Variants in SMG1 observed in about 807,000 individuals in gnomAD.
SMG1 encodes the protein serine/threonine-protein kinase SMG1.
A neutral mutation model predicts 419.9 loss-of-function variants in SMG1; 22 were observed. The ratio of observed to expected loss-of-function variants is 0.05; its 90% CI spans 0.04 to 0.07. The LOEUF (loss-of-function observed/expected upper bound fraction) is 0.07. Among genes scored for constraint, SMG1 ranks in the 10% least tolerant of loss-of-function variants. The pLI, the probability that SMG1 is intolerant of heterozygous loss-of-function variation, is 1.00. For synonymous variants in SMG1, 1,538 were observed against 1,553.5 expected (o/e 0.99, Z 0.23); for missense variants, 3,185 against 4,342.0 (o/e 0.73, Z 7.49).
chr16:18,885,379 G>A, intron 7 of SMG1, 162 bp downstream of exon 7: 1 of 898,252 alleles, frequency 1.1e-6, no homozygotes, highest in African/African-American at 1.7e-5. Flanking sequence ...TTTAAGGTAT[G>A]AATGTCAGAA....
At chr16:18,818,818 CTT>C (rs35000007) in intron 56 of SMG1, among the ~76,000 whole-genome samples, 10 of 131,590 alleles carry the variant, frequency 7.6e-5, no homozygotes, top group Admixed American at 1.6e-4. Context: ...GCACAAGGTC[CTT>C]TTTTTTTTTT....
intron 46 of SMG1, 65 bp from the exon 47 acceptor site, chr16:18,836,597 C>A: frequency 6.5e-7 from 1 of 1,529,154 alleles, no homozygotes; most frequent in African/African-American, 1.4e-5. Context: ...TACTTTCCTA[C>A]CCTGGAATGT....
Position 18,864,356 on chromosome 16 carries a change from C to T in SMG1, c.3351-212G>A, listed in dbSNP as rs571718427. Among the ~76,000 whole-genome samples the T allele has an allele frequency of 1.6e-3, 243 of 151,614 alleles. 1 individual carries two copies. The highest frequency in any genetic ancestry group is 5.5e-3 in the African/African-American group (229 of 41,316). ...GAATACAGGCGCTCGCCACCATGCCCGGCTAATTTTCTTGTATTTTTAGTA... is the reference window on the plus strand; with the variant it reads ...GAATACAGGCGCTCGCCACCATGCCTGGCTAATTTTCTTGTATTTTTAGTA... On this transcript the variant is annotated intron_variant, in intron 23 of 62. Transcript: ENST00000446231.
chr16:18,839,425 T>C (rs989688210), intron 42 of SMG1, among the ~76,000 whole-genome samples: 1 of 152,186 alleles, frequency 6.6e-6, no homozygotes, highest in South Asian at 2.1e-4. Context: ...CTCCCACTTA[T>C]AAGTGAGAAC....
rs370405094 is a variant in SMG1, at chr16:18,876,086, C to T, written c.1890+38G>A. 4 of 1,606,202 alleles carry T rather than the reference C, an allele frequency of 2.5e-6. No individual in the cohort carries two copies. The African/African-American group carries it at 5.4e-5, about 22-fold the overall frequency. Reference sequence around the variant, plus strand: ...AAATATGTAATGAGAAAAGGCTTAACTGTGGATAAAACAAAGTCATTACAA... The same window carrying T: ...AAATATGTAATGAGAAAAGGCTTAATTGTGGATAAAACAAAGTCATTACAA... On this transcript the variant is annotated intron_variant, in intron 13 of 62. Coordinates refer to ENST00000446231, the MANE Select transcript of SMG1 (RefSeq NM_015092.5).
chr16:18,850,491 T>C lies in SMG1; in HGVS notation c.5053-24A>G. 3 of 1,526,570 alleles carry C rather than the reference T, an allele frequency of 2.0e-6. No individual in the cohort carries two copies. The South Asian group carries it at 3.4e-5, about 17-fold the overall frequency. 94.6% of individuals were successfully genotyped at this position (1,526,570 alleles called of 1,614,324 possible). ...TCCTGAAGAAAAATTGTGCACAAAA[T>C]GCTATTTTAAATACAAACTGAAAAG... is the stretch of plus-strand genomic sequence containing the variant. On this transcript the variant is annotated intron_variant, in intron 33 of 62. Transcript: ENST00000446231.
At chr16:18,889,957 T>C (rs898664214) in intron 5 of SMG1, among the ~76,000 whole-genome samples, 2 of 152,214 alleles carry the variant, frequency 1.3e-5, no homozygotes, top group Non-Finnish European at 2.9e-5. Flanking sequence ...ATGTAATGAC[T>C]ATAAAATAAA....
Position 18,925,893 on chromosome 16 carries a change from G to C in SMG1, c.92+57C>G, listed in dbSNP as rs572299492. Reference sequence around the variant, plus strand: ...TCCCAGCCCCGCGGCCCTAGGCCTCGGCCCGCCCGAGGCGGAGCCCGGGAG... The same window carrying C: ...TCCCAGCCCCGCGGCCCTAGGCCTCCGCCCGCCCGAGGCGGAGCCCGGGAG... On this transcript the variant is annotated intron_variant, in intron 1 of 62. Transcript: ENST00000446231. 1.9e-3 allele frequency: 2,612 copies of C among 1,385,320 alleles called. 4 individuals are homozygous for C. Among genetic ancestry groups the C allele is most frequent in the Non-Finnish European group, 2.3e-3 (2,388 of 1,032,116 alleles). 85.8% of individuals were successfully genotyped at this position (1,385,320 alleles called of 1,614,324 possible).
intron 1 of SMG1, among the ~76,000 whole-genome samples, chr16:18,901,954 A>AAGGG (rs1555505013): frequency 4.6e-5 from 1 of 21,534 alleles, no homozygotes; most frequent in African/African-American, 1.8e-4. Flanking sequence ...AAAAAAAAAA[A>AAGGG]GGGGGGGGTG....
At chr16:18,876,035 C>T in intron 13 of SMG1, 89 bp downstream of exon 13, 1 of 1,387,448 alleles carries the variant, frequency 7.2e-7, no homozygotes. Flanking sequence ...ATTCTGCAGA[C>T]ATCTTGACAT....
chr16:18,830,483 T>C, intron 51 of SMG1, 114 bp from the exon 52 acceptor site: 1 of 1,222,770 alleles, frequency 8.2e-7, no homozygotes, highest in Non-Finnish European at 1.2e-6. Flanking sequence ...GAAAGCCTTC[T>C]GGCATTAAGA....
intron 22 of SMG1, among the ~76,000 whole-genome samples, chr16:18,867,061 A>T (rs1355997900): frequency 6.6e-6 from 1 of 152,236 alleles, no homozygotes; most frequent in Non-Finnish European, 1.5e-5. Context: ...TGGAGTAAAA[A>T]GAAAGCAAAA....
chr16:18,867,530 TAAA>T (rs953422532), intron 22 of SMG1, among the ~76,000 whole-genome samples: 1 of 51,476 alleles, frequency 1.9e-5, no homozygotes, highest in Non-Finnish European at 5.6e-5. Flanking sequence ...TCTCAAAAAA[TAAA>T]TAAATAAATA....
In SMG1 at chr16:18,852,077, G is replaced by A. The variant is rs1257767104; in HGVS notation, c.5042C>T (p.Ala1681Val). ...CCATGTTTTCCTTGCCTGAATCCCC[G>A]CCGGCCGACACACAGCCTGTCCAAG... is the stretch of plus-strand genomic sequence containing the variant. ...GILGQAVCRP[A>V]GIQDEDITLQ... Residue 1681 changes from alanine (A) to valine (V), a missense_variant, in exon 33 of 63, where the codon GCG (alanine) becomes GTG (valine). Transcript: ENST00000446231. The A allele has an allele frequency of 1.2e-5, 19 of 1,607,148 alleles. No individual in the cohort carries two copies. Among genetic ancestry groups the A allele is most frequent in the Admixed American group, 6.8e-5 (4 of 58,540 alleles).
chr16:18,871,877 T>C (rs554925523), intron 15 of SMG1, among the ~76,000 whole-genome samples: 125 of 151,380 alleles, frequency 8.3e-4, no homozygotes, highest in Non-Finnish European at 1.5e-3. Flanking sequence ...AGGCAGAGGT[T>C]GCAGTGAGCA....
rs985032915 is a variant in SMG1 at position 18,847,471 on chromosome 16, T to C, written c.5978A>G (p.Asn1993Ser). The change falls in exon 38 of 63, where the codon AAC becomes AGC. Residue 1993 changes from asparagine (N) to serine (S), a missense_variant. By Grantham distance (46) the Asn-to-Ser change is conservative. Coordinates refer to ENST00000446231, the MANE Select transcript of SMG1 (RefSeq NM_015092.5). Reference sequence around the variant, plus strand: ...AACATACTTGCGTAAGGTGTTGTTGTTCTGGACTCTCTTCACCTCATCTTC... The same window carrying C: ...AACATACTTGCGTAAGGTGTTGTTGCTCTGGACTCTCTTCACCTCATCTTC... ...QLEDEVKRVQ[N>S]NNTLRKEEKI... The C allele has an allele frequency of 3.7e-6, 6 of 1,613,958 alleles. No individual in the cohort carries two copies. The Admixed American group carries it at 1.0e-4, about 27-fold the overall frequency.
chr16:18,859,957 G>A (rs898928290), intron 26 of SMG1, among the ~76,000 whole-genome samples: 20 of 152,266 alleles, frequency 1.3e-4, no homozygotes, highest in Admixed American at 1.3e-3. Context: ...GGTGGCTCAC[G>A]CCTGTAATCC....
At chr16:18,882,496 A>G (rs2036442488) in intron 9 of SMG1, among the ~76,000 whole-genome samples, 158 bp from the exon 10 acceptor site, 1 of 152,220 alleles carries the variant, frequency 6.6e-6, no homozygotes, top group Non-Finnish European at 1.5e-5. Context: ...CTCTAAATAT[A>G]AAAATGGGTT....
Position 18,833,101 on chromosome 16 carries a change from T to C in SMG1, c.8631A>G (p.Glu2877=), listed in dbSNP as rs1311853811. The change falls in exon 51 of 63, where the codon GAA becomes GAG. Residue 2877 remains glutamate (E), a synonymous_variant. Coordinates refer to ENST00000446231, the MANE Select transcript of SMG1 (RefSeq NM_015092.5). The part of the protein sequence containing the change: ...PEALRCLMKG[E]YTLESMLHEL... ...CATGCAGCATACTTTCTAACGTGTATTCCCCTTTCATTAAACATCGAAGTG... is the reference window on the plus strand; with the variant it reads ...CATGCAGCATACTTTCTAACGTGTACTCCCCTTTCATTAAACATCGAAGTG... 1.2e-6 allele frequency: 2 copies of C among 1,614,036 alleles called. No individual in the cohort carries two copies. The highest frequency in any genetic ancestry group is 1.7e-5 in the Admixed American group (1 of 60,026).
Sources: allele counts gnomAD v4.1 joint callset (sites outside exome capture counted in the v4.1 genomes callset), GRCh38; gene constraint gnomAD v4.1.1; transcripts MANE v1.5; gene names NCBI Gene and HGNC (gene_info 2026-07-23, HGNC 2026-07-21).